Variants in UCKL1 observed in about 807,000 individuals in gnomAD.
UCKL1 encodes uridine-cytidine kinase-like 1.
A neutral mutation model predicts 59.2 loss-of-function variants in UCKL1; 65 were observed. The ratio of observed to expected loss-of-function variants is 1.10; its 90% CI spans 0.90 to 1.35. The LOEUF is 1.35. Ranked by LOEUF, UCKL1 falls within the 40% of genes most tolerant of loss-of-function variation. UCKL1 has a pLI of 0.00. For synonymous variants in UCKL1, 410 were observed against 323.1 expected, an observed-to-expected ratio of 1.27 and a Z score of -2.88; for missense variants, 703 against 784.3, an observed-to-expected ratio of 0.90 and a Z score of 1.24.
Position 63,944,406 on chromosome 20 carries a change from C to T in UCKL1, c.897G>A (p.Gln299=). The T allele has an allele frequency of 1.3e-6, 2 of 1,547,030 alleles. No homozygotes were observed. Among genetic ancestry groups the T allele is most frequent in the Non-Finnish European group, 1.7e-6 (2 of 1,145,298 alleles). The stretch of plus-strand genomic sequence containing the variant: ...GTGGGACCCCGCTCACCTCCTCCAG[C>T]TGGCTGTGCACGTGCTGCACAATCA... The part of the protein sequence containing the change: ...IDLIVQHVHS[Q]LEERELSVRA... The change falls in exon 7 of 15, where the codon CAG becomes CAA. Residue 299 remains glutamine (Q), a synonymous_variant. Coordinates refer to ENST00000354216, the MANE Select transcript of UCKL1 (RefSeq NM_017859.4).
chr20:63,944,874 G>A, intron 5 of UCKL1, 140 bp from the exon 6 acceptor site: 1 of 1,072,612 alleles, frequency 9.3e-7, no homozygotes, highest in Non-Finnish European at 1.3e-6. Context: ...CAGGTGGGGA[G>A]GAGTGGGGAG....
chr20:63,945,920 T>C lies in UCKL1; in HGVS notation c.467A>G (p.His156Arg), dbSNP rs2056055988. The C allele has an allele frequency of 2.5e-6, 4 of 1,613,662 alleles. No individual in the cohort carries two copies. Among genetic ancestry groups the C allele is most frequent in the Non-Finnish European group, 3.4e-6 (4 of 1,179,974 alleles). Residue 156 changes from histidine (H) to arginine (R), a missense_variant, in exon 4 of 15, where the codon CAC (histidine) becomes CGC (arginine). Coordinates refer to ENST00000354216, the MANE Select transcript of UCKL1 (RefSeq NM_017859.4). The stretch of plus-strand genomic sequence containing the variant: ...GAGGTCGAAGTCAAAGGCATCTGGG[T>C]GGTCGAAGTTGAAGTTGTTGTGTGC... ...QAAHNNFNFD[H>R]PDAFDFDLII...
At chr20:63,943,044 C>T (rs1601038047) in intron 8 of UCKL1, among the ~76,000 whole-genome samples, 1 of 152,232 alleles carries the variant, frequency 6.6e-6, no homozygotes, top group Non-Finnish European at 1.5e-5. Flanking sequence ...AAGGGCAGGT[C>T]CCTTGTGGCT....
chr20:63,943,248 C>T lies in UCKL1; in HGVS notation c.923+405G>A, dbSNP rs115508557. On this transcript the variant is annotated intron_variant, in intron 8 of 14. Transcript: ENST00000354216. ...TCCACCTGCAACCAGGGAAAGCTGA[C>T]TGGTCCGTGAGGCTGGGCACAGGAG... Among the ~76,000 whole-genome samples, 1,319 of 152,334 alleles carry T rather than the reference C, an allele frequency of 8.7e-3. 13 individuals carry two copies. Among genetic ancestry groups the T allele is most frequent in the African/African-American group, 0.03 (1,232 of 41,582 alleles).
At chr20:63,948,660 T>G (rs2057028507) in intron 1 of UCKL1, among the ~76,000 whole-genome samples, 2 of 68,020 alleles carry the variant, frequency 2.9e-5, no homozygotes, top group Non-Finnish European at 6.1e-5. Flanking sequence ...GGGAGGGGCG[T>G]GTGTGAGAGG....
chr20:63,952,945 A>T (rs575904674), intron 1 of UCKL1, among the ~76,000 whole-genome samples: 2 of 152,368 alleles, frequency 1.3e-5, no homozygotes, highest in East Asian at 3.9e-4. Flanking sequence ...AACTGATGTC[A>T]TCGTCAAGAA....
chr20:63,952,255 A>C (rs577789987), intron 1 of UCKL1, among the ~76,000 whole-genome samples: 1 of 152,322 alleles, frequency 6.6e-6, no homozygotes, highest in Non-Finnish European at 1.5e-5. Context: ...TCTGAACAGC[A>C]GAGTGGACGC....
Position 63,940,440 on chromosome 20 carries a change from T to C in UCKL1, c.1348A>G (p.Ile450Val). The C allele has an allele frequency of 6.2e-7, 1 of 1,612,340 alleles. No homozygotes were observed. The highest frequency in any genetic ancestry group is 8.5e-7 in the Non-Finnish European group (1 of 1,179,794). The change falls in exon 13 of 15, where the codon ATC (isoleucine) becomes GTC (valine). Residue 450 changes from isoleucine to valine, a missense_variant. Around this residue, in one of 4 missense-constraint regions of UCKL1, gnomAD observed 124 missense variants for 161.1 expected, o/e 0.77. Coordinates refer to ENST00000354216, the MANE Select transcript of UCKL1 (RefSeq NM_017859.4). ...LPKDISDDHV[I>V]LMDCTVSTGA... is the part of the protein sequence containing the mutation. ...GTGGACACGGTGCAGTCCATGAGGA[T>C]CACGTGGTCATCGCTGATGTCCTTG...
intron 1 of UCKL1, among the ~76,000 whole-genome samples, chr20:63,949,928 G>A (rs1339413942): frequency 6.6e-6 from 1 of 152,224 alleles, no homozygotes; most frequent in Non-Finnish European, 1.5e-5. Flanking sequence ...GGCTGGCACC[G>A]TGCCTGCTCC....
chr20:63,950,577 C>T (rs2057433139), intron 1 of UCKL1, among the ~76,000 whole-genome samples: 1 of 152,196 alleles, frequency 6.6e-6, no homozygotes, highest in African/African-American at 2.4e-5. Flanking sequence ...GAGACGCGCC[C>T]AGACCAACAG....
chr20:63,946,595 C>G lies in UCKL1; in HGVS notation c.162G>C (p.Gly54=). 1.2e-6 allele frequency: 2 copies of G among 1,611,072 alleles called. No homozygotes were observed. The highest frequency in any genetic ancestry group is 1.7e-6 in the Non-Finnish European group (2 of 1,179,844). ...TGGTGGTCCGCTTCCGGGGAGAGCGCCCAGTGCCCACAGGTGGCAGGAGCC... is the reference window on the plus strand; with the variant it reads ...TGGTGGTCCGCTTCCGGGGAGAGCGGCCAGTGCCCACAGGTGGCAGGAGCC... The part of the protein sequence containing the change: ...LDRLLPPVGT[G]RSPRKRTTSQ... Residue 54 remains glycine (G), a synonymous_variant, in exon 2 of 15, where the codon GGG becomes GGC. Coordinates refer to ENST00000354216, the MANE Select transcript of UCKL1 (RefSeq NM_017859.4).
chr20:63,944,595 T>TC lies in UCKL1; in HGVS notation c.793dup (p.Asp265GlyfsTer40). On this transcript the variant is annotated frameshift_variant, in exon 6 of 15. Coordinates refer to ENST00000354216, the MANE Select transcript of UCKL1 (RefSeq NM_017859.4). LOFTEE classifies it high-confidence loss of function. Reference sequence around the variant, plus strand: ...GCGCATGGTGGGCTGGATGTACTGGTCGAAGGAGGGCTTGACAAACTTGTT... The same window carrying TC: ...GCGCATGGTGGGCTGGATGTACTGGTCCGAAGGAGGGCTTGACAAACTTGTT... 1 of 1,612,992 alleles carries TC rather than the reference T, an allele frequency of 6.2e-7. No individual in the cohort carries two copies. Among genetic ancestry groups the TC allele is most frequent in the Non-Finnish European group, 8.5e-7 (1 of 1,179,854 alleles).
At position 63,940,461 on chromosome 20, in the gene UCKL1, C is replaced by T; in HGVS notation, c.1327G>A (p.Asp443Asn). Residue 443 changes from aspartate to asparagine, a missense_variant, in exon 13 of 15, where the codon GAC becomes AAC. By Grantham distance (23) the Asp-to-Asn change is conservative. Around this residue, in one of 4 missense-constraint regions of UCKL1, gnomAD observed 124 missense variants for 161.1 expected, o/e 0.77. Transcript: ENST00000354216. ...AGGATCACGTGGTCATCGCTGATGTCCTTGGGCAGCCTCAGGTAGTGGAGC... is the reference window on the plus strand; with the variant it reads ...AGGATCACGTGGTCATCGCTGATGTTCTTGGGCAGCCTCAGGTAGTGGAGC... ...PELHYLRLPK[D>N]ISDDHVILMD... 1.2e-6 allele frequency: 2 copies of T among 1,612,046 alleles called. No homozygotes were observed. The highest frequency in any genetic ancestry group is 1.1e-5 in the South Asian group (1 of 91,048).
In UCKL1 at chr20:63,940,139, G is replaced by T. The variant is rs968622327; in HGVS notation, c.1567+11C>A. 5.0e-6 allele frequency: 8 copies of T among 1,612,454 alleles called. No homozygotes were observed. Among genetic ancestry groups the T allele is most frequent in the Admixed American group, 1.7e-5 (1 of 59,996 alleles). On this transcript the variant is annotated intron_variant, in intron 14 of 14. Coordinates refer to ENST00000354216, the MANE Select transcript of UCKL1 (RefSeq NM_017859.4). ...CCCTCATGTGCGGCTGAAGGGCCCG[G>T]GCAGCCTCACCAATGCCTGGGATGA...
In UCKL1 at chr20:63,939,872, TA is replaced by T; in HGVS notation, c.*103del. 1.0e-6 allele frequency: 1 copy of T among 991,548 alleles called. No homozygotes were observed. The highest frequency in any genetic ancestry group is 1.5e-6 in the Non-Finnish European group (1 of 666,922). The allele number at this position is 991,548 out of a possible 1,614,324, so 61.4% of individuals were successfully genotyped here. A position where few individuals can be genotyped will look rare whatever the true frequency, so the allele number is the denominator to read the frequency against. Reference sequence around the variant, plus strand: ...TATTTATTTTATAAAATGCATAGAATAAATTATACTAGTAACATTTTAAAAA... The same window carrying T: ...TATTTATTTTATAAAATGCATAGAATAATTATACTAGTAACATTTTAAAAA... On this transcript the variant is annotated 3_prime_UTR_variant, in exon 15 of 15. Coordinates refer to ENST00000354216, the MANE Select transcript of UCKL1 (RefSeq NM_017859.4).
intron 1 of UCKL1, 177 bp downstream of exon 1, chr20:63,956,083 C>G (rs1374011042): frequency 1.8e-6 from 1 of 552,910 alleles, no homozygotes; most frequent in African/African-American, 2.0e-5. Flanking sequence ...GTCCGTCCTC[C>G]CGGCCGCTTC....
chr20:63,944,391 G>A lies in UCKL1; in HGVS notation c.906+6C>T, dbSNP rs770713159. 22 of 1,555,810 alleles carry A rather than the reference G, an allele frequency of 1.4e-5. No individual in the cohort carries two copies. Among genetic ancestry groups the A allele is most frequent in the Admixed American group, 1.9e-5 (1 of 52,238 alleles). On this transcript the variant is annotated splice_donor_region_variant and intron_variant, in intron 7 of 14. Coordinates refer to ENST00000354216, the MANE Select transcript of UCKL1 (RefSeq NM_017859.4). ...CTAGGCCGTGGGGACGTGGGACCCC[G>A]CTCACCTCCTCCAGCTGGCTGTGCA... is the stretch of plus-strand genomic sequence containing the variant.
rs757934179 is a variant in UCKL1 at position 63,945,946 on chromosome 20, G to A, written c.441C>T (p.Ala147=). 2.5e-5 allele frequency: 40 copies of A among 1,613,706 alleles called. No homozygotes were observed. Among genetic ancestry groups the A allele is most frequent in the Non-Finnish European group, 2.9e-5 (34 of 1,179,988 alleles). Residue 147 remains alanine (A), a synonymous_variant, in exon 4 of 15, where the codon GCC becomes GCT. Coordinates refer to ENST00000354216, the MANE Select transcript of UCKL1 (RefSeq NM_017859.4). ...GGTCGAAGTTGAAGTTGTTGTGTGC[G>A]GCCTGTTCCTGCTGCTGCTCAGTCA... ...KVLTEQQQEQ[A]AHNNFNFDHP...
At chr20:63,950,230 C>T (rs1024694581) in intron 1 of UCKL1, among the ~76,000 whole-genome samples, 2 of 152,208 alleles carry the variant, frequency 1.3e-5, no homozygotes, top group African/African-American at 4.8e-5. Flanking sequence ...CAAAGCTGGT[C>T]TGTCTCAGAG....
Sources: allele counts gnomAD v4.1 joint callset (sites outside exome capture counted in the v4.1 genomes callset), GRCh38; gene constraint gnomAD v4.1.1; regional missense constraint gnomAD v4.1.1; transcripts MANE v1.5; gene names NCBI Gene and HGNC (gene_info 2026-07-23, HGNC 2026-07-21).